Variants in SLC24A2 observed in about 807,000 individuals in gnomAD.
The protein encoded by SLC24A2 is sodium/potassium/calcium exchanger 2.
A neutral mutation model predicts 62.0 loss-of-function variants in SLC24A2; 36 were observed. The ratio of observed to expected loss-of-function variants is 0.58; its 90% CI spans 0.44 to 0.77. The LOEUF is 0.77. SLC24A2 is among the 30% of genes least tolerant of loss of function. The pLI is 0.00. For missense variants in SLC24A2, 846 were observed against 817.9 expected, an observed-to-expected ratio of 1.03 and a Z score of -0.42; for synonymous variants, 358 against 294.0, an observed-to-expected ratio of 1.22 and a Z score of -2.23.
At chr9:20,269,683 T>A in the SLC24A2 span, among the ~76,000 whole-genome samples, 2 of 152,166 alleles carry the variant, frequency 1.3e-5, no homozygotes, top group African/African-American at 4.8e-5. Context: ...TCACCAAGAT[T>A]TTTTTTCAAT....
rs756316419 is a variant in SLC24A2 at position 19,599,585 on chromosome 9, T to A, written c.1079-2306A>T. On this transcript the variant is annotated intron_variant, in intron 4 of 10. Coordinates refer to ENST00000341998, the MANE Select transcript of SLC24A2 (RefSeq NM_020344.4). This position sits in a 1 kb window ranked among gnomAD's most constrained non-coding sequence, Gnocchi z 4.5. Reference sequence around the variant, plus strand: ...GTCTTTAGCACTAACAGCAACAGGATGGTGAGATGGTGAACTCAGCAGCAG... The same window carrying A: ...GTCTTTAGCACTAACAGCAACAGGAAGGTGAGATGGTGAACTCAGCAGCAG... Among the ~76,000 whole-genome samples, 5 of 152,120 alleles carry A rather than the reference T, an allele frequency of 3.3e-5. No homozygotes were observed. The highest frequency in any genetic ancestry group is 6.5e-5 in the Admixed American group (1 of 15,278).
At chr9:20,096,120 C>T in the SLC24A2 span, among the ~76,000 whole-genome samples, 61 of 150,812 alleles carry the variant, frequency 4.0e-4, no homozygotes, top group East Asian at 0.01. Context: ...TCCGTCCGTC[C>T]GTCCATCCTA....
At chr9:19,767,077 G>A (rs968243808) in intron 2 of SLC24A2, among the ~76,000 whole-genome samples, 5 of 152,140 alleles carry the variant, frequency 3.3e-5, no homozygotes, top group African/African-American at 1.2e-4. Context: ...ACTTCCCAGT[G>A]ACTTTGTTTC....
intron 2 of SLC24A2, among the ~76,000 whole-genome samples, chr9:19,687,153 A>T (rs1304992466): frequency 6.6e-6 from 1 of 152,098 alleles, no homozygotes; most frequent in Non-Finnish European, 1.5e-5. Flanking sequence ...GAGGAGGGTG[A>T]GGATCAAAAA....
intron 2 of SLC24A2, among the ~76,000 whole-genome samples, chr9:19,774,784 C>A (rs1347307728): frequency 6.6e-6 from 1 of 152,194 alleles, no homozygotes; most frequent in Non-Finnish European, 1.5e-5. Flanking sequence ...CCTCATTACT[C>A]CTCCAAAGGA....
intron 2 of SLC24A2, among the ~76,000 whole-genome samples, chr9:19,703,210 G>C (rs1469345532): frequency 2.0e-5 from 3 of 152,170 alleles, no homozygotes; most frequent in African/African-American, 7.2e-5. Context: ...TGATGGATTA[G>C]AATCTTAGTA....
intron 2 of SLC24A2, among the ~76,000 whole-genome samples, chr9:19,758,460 A>T (rs1051254230): frequency 3.3e-5 from 5 of 152,200 alleles, no homozygotes; most frequent in South Asian, 2.1e-4. Context: ...GGGATCAGAA[A>T]GTTTTCTAAT....
intron 1 of SLC24A2, chr9:19,788,396 C>T (rs970657534): frequency 3.4e-6 from 2 of 595,790 alleles, no homozygotes; most frequent in Non-Finnish European, 4.2e-6. Flanking sequence ...CCCTGAAAAC[C>T]CACCGCTCGT....
chr9:19,931,935 AT>A, the SLC24A2 span, among the ~76,000 whole-genome samples: 1 of 152,084 alleles, frequency 6.6e-6, no homozygotes, highest in Non-Finnish European at 1.5e-5. Context: ...TATTATTATT[AT>A]TTTTAGTTTT....
the SLC24A2 span, among the ~76,000 whole-genome samples, chr9:19,969,932 G>C: frequency 1.6e-4 from 24 of 152,286 alleles, no homozygotes; most frequent in African/African-American, 5.8e-4. Flanking sequence ...AAGAGTGTGA[G>C]TCAGTGACAT....
chr9:19,780,469 T>A (rs1194842958), intron 2 of SLC24A2, among the ~76,000 whole-genome samples: 1 of 151,484 alleles, frequency 6.6e-6, no homozygotes, highest in Non-Finnish European at 1.5e-5. Flanking sequence ...GGTTTCACCA[T>A]CTTGGCCAGG....
At chr9:19,908,364 C>G in the SLC24A2 span, among the ~76,000 whole-genome samples, 1 of 152,018 alleles carries the variant, frequency 6.6e-6, no homozygotes, top group African/African-American at 2.4e-5. Flanking sequence ...AAATGTTAGA[C>G]CTAAAACCAT....
At chr9:19,814,485 C>G in the SLC24A2 span, among the ~76,000 whole-genome samples, 1 of 152,122 alleles carries the variant, frequency 6.6e-6, no homozygotes, top group African/African-American at 2.4e-5. Flanking sequence ...TGTTCAGATC[C>G]ATGCTTACCA....
At chr9:20,221,361 C>G in the SLC24A2 span, among the ~76,000 whole-genome samples, 2 of 151,764 alleles carry the variant, frequency 1.3e-5, no homozygotes, top group South Asian at 4.2e-4. Flanking sequence ...TTAGAACCAA[C>G]AGAAATGTTG....
the SLC24A2 span, among the ~76,000 whole-genome samples, chr9:20,074,253 G>A: frequency 6.6e-6 from 1 of 151,992 alleles, no homozygotes; most frequent in Non-Finnish European, 1.5e-5. Context: ...AAATGATAGC[G>A]TTTTTCCTTC....
At chr9:19,959,369 C>A in the SLC24A2 span, among the ~76,000 whole-genome samples, 2 of 152,178 alleles carry the variant, frequency 1.3e-5, no homozygotes, top group Non-Finnish European at 2.9e-5. Flanking sequence ...GCTATTATCA[C>A]TGAAGTTCAT....
At chr9:19,669,267 TGCA>T (rs1023868955) in intron 2 of SLC24A2, among the ~76,000 whole-genome samples, 1 of 152,066 alleles carries the variant, frequency 6.6e-6, no homozygotes, top group African/African-American at 2.4e-5. Context: ...TCCCTTGTGG[TGCA>T]GGAGGAAATG....
the SLC24A2 span, among the ~76,000 whole-genome samples, chr9:20,068,651 T>C: frequency 2.0e-5 from 3 of 152,158 alleles, no homozygotes; most frequent in African/African-American, 4.8e-5. Context: ...TGGTATTCCC[T>C]GGGAGTTGCT....
chr9:19,973,544 T>G, the SLC24A2 span, among the ~76,000 whole-genome samples: 1 of 152,236 alleles, frequency 6.6e-6, no homozygotes, highest in South Asian at 2.1e-4. Context: ...GGGTCCTGCC[T>G]TTACCATTTT....
Sources: allele counts gnomAD v4.1 joint callset (sites outside exome capture counted in the v4.1 genomes callset), GRCh38; gene constraint gnomAD v4.1.1; non-coding constraint Gnocchi (gnomAD v3.1); transcripts MANE v1.5; gene names NCBI Gene and HGNC (gene_info 2026-07-23, HGNC 2026-07-21).